ABLIM2: variants seen among roughly 807,000 people sequenced by gnomAD.
ABLIM2 encodes the protein actin-binding LIM protein 2.
ABLIM2 carries 53 observed loss-of-function variants against 97.7 expected under a neutral mutation model. That is an observed-to-expected ratio of 0.54 (90% confidence interval 0.44 to 0.68). The LOEUF (loss-of-function observed/expected upper bound fraction) is 0.68, where lower values mean the gene tolerates loss of function less well. Ranked by LOEUF, ABLIM2 falls within the 30% of genes least tolerant of loss-of-function variation. The pLI is 0.00. For synonymous variants in ABLIM2, 361 were observed against 345.8 expected (o/e 1.04, Z -0.49); for missense variants, 835 against 867.2 (o/e 0.96, Z 0.47).
At chr4:8,136,373 C>T (rs946032707) in intron 1 of ABLIM2, among the ~76,000 whole-genome samples, 56 of 152,262 alleles carry the variant, frequency 3.7e-4, no homozygotes, top group Middle Eastern at 3.4e-3. Context: ...TGCACAGCAC[C>T]GTGTAAGTGT....
intron 1 of ABLIM2, among the ~76,000 whole-genome samples, chr4:8,153,963 CTTTT>C (rs55681745): frequency 1.5e-5 from 2 of 131,870 alleles, no homozygotes; most frequent in Non-Finnish European, 3.1e-5. Flanking sequence ...AACTTCTTTT[CTTTT>C]TTTTTTTTTT....
chr4:7,979,203 A>C (rs766731894), intron 20 of ABLIM2, among the ~76,000 whole-genome samples: 4 of 152,140 alleles, frequency 2.6e-5, no homozygotes, highest in African/African-American at 4.8e-5. Context: ...ACAAGCTGCC[A>C]GCTCCCCCCG....
chr4:8,034,736 G>A (rs1471700753), intron 10 of ABLIM2, among the ~76,000 whole-genome samples: 4 of 88,344 alleles, frequency 4.5e-5, no homozygotes, highest in Non-Finnish European at 2.3e-5. Context: ...GGTGCAGGTG[G>A]GTGGGTAGTA....
rs192879707 is a variant in ABLIM2, at chr4:8,021,551, C to T, written c.1268-1248G>A. ...AGCCTTTCAGAGCAGCAGGACCCTG[C>T]GGTGACATCGAAATGAAACAGAAAT... On this transcript the variant is annotated intron_variant, in intron 12 of 20. Coordinates refer to ENST00000447017, the MANE Select transcript of ABLIM2 (RefSeq NM_001130083.2). This position sits in a 1 kb window ranked among gnomAD's most constrained non-coding sequence, Gnocchi z 5.5. 9.5e-4 allele frequency among the ~76,000 whole-genome samples: 144 copies of T among 152,302 alleles called. 1 individual carries two copies. Among genetic ancestry groups the T allele is most frequent in the Admixed American group, 9.2e-3 (141 of 15,294 alleles).
rs1160708476 is a variant in ABLIM2, at chr4:8,044,659, CACACACAG to C, written c.900+497_900+504del. On this transcript the variant is annotated intron_variant, in intron 9 of 20. Coordinates refer to ENST00000447017, the MANE Select transcript of ABLIM2 (RefSeq NM_001130083.2). The surrounding 1 kb of genome is among the most constrained non-coding windows in gnomAD (Gnocchi z 4.4). ...GCGCACAGACACACACACACACACA[CACACACAG>C]AGTCTCTCTCTCTCTCTCTCTCTCG... Among the ~76,000 whole-genome samples the C allele has an allele frequency of 4.5e-4, 54 of 120,398 alleles. 2 individuals carry two copies. In the South Asian group the frequency reaches 8.0e-3, roughly 18 times the overall value. 79.0% of individuals were successfully genotyped at this position (120,398 alleles called of 152,430 possible).
In ABLIM2 at chr4:8,124,423, T is replaced by C. The variant is rs1483542103; in HGVS notation, c.11-17786A>G. 1.3e-5 allele frequency among the ~76,000 whole-genome samples: 2 copies of C among 152,194 alleles called. No individual in the cohort carries two copies. Among genetic ancestry groups the C allele is most frequent in the African/African-American group, 2.4e-5 (1 of 41,450 alleles). The stretch of plus-strand genomic sequence containing the variant: ...TGCATCCTTTACTGTCACTCCCGTT[T>C]TCCCTCCGCAGCCCCTGGTAACAAC... On this transcript the variant is annotated intron_variant, in intron 1 of 20. Coordinates refer to ENST00000447017, the MANE Select transcript of ABLIM2 (RefSeq NM_001130083.2). The surrounding 1 kb of genome is among the most constrained non-coding windows in gnomAD (Gnocchi z 6.1).
chr4:8,031,441 C>T (rs1267541366), intron 10 of ABLIM2, among the ~76,000 whole-genome samples: 1 of 152,194 alleles, frequency 6.6e-6, no homozygotes, highest in Non-Finnish European at 1.5e-5. Flanking sequence ...CCTGGGACAT[C>T]AAAAGTCACC....
At chr4:8,114,853 G>A (rs1914463) in intron 1 of ABLIM2, among the ~76,000 whole-genome samples, 105,497 of 152,068 alleles carry the variant, frequency 0.69, 37,446 homozygotes, top group East Asian at 0.9. Flanking sequence ...CACACAGGAA[G>A]CTCATGGTGC....
chr4:8,045,830 C>T (rs965796104), intron 8 of ABLIM2, among the ~76,000 whole-genome samples: 2 of 152,098 alleles, frequency 1.3e-5, no homozygotes, highest in Admixed American at 6.5e-5. Flanking sequence ...TGCTCAGAGG[C>T]GTCATTTTCC....
At position 8,056,926 on chromosome 4, in the gene ABLIM2, C is replaced by T. The variant is rs554754817; in HGVS notation, c.764-2680G>A. Among the ~76,000 whole-genome samples the T allele has an allele frequency of 9.3e-3, 971 of 104,848 alleles. 16 individuals are homozygous for T. Among genetic ancestry groups the T allele is most frequent in the African/African-American group, 0.033 (901 of 27,380 alleles). 68.8% of individuals were successfully genotyped at this position (104,848 alleles called of 152,430 possible). On this transcript the variant is annotated intron_variant, in intron 7 of 20. Transcript: ENST00000447017. ...CACCCTGGGCGACAGAGCGAAACTC[C>T]GTCTCAAAAAAAAAAAAAAAAAAAA... is the stretch of plus-strand genomic sequence containing the variant.
chr4:7,976,706 C>T (rs957281811), intron 20 of ABLIM2, among the ~76,000 whole-genome samples: 1 of 152,046 alleles, frequency 6.6e-6, no homozygotes, highest in African/African-American at 2.4e-5. Context: ...CATGCACACA[C>T]ACGTATATCC....
At chr4:8,035,002 GGGTGGGT>G (rs1488624118) in intron 10 of ABLIM2, among the ~76,000 whole-genome samples, 2 of 116,876 alleles carry the variant, frequency 1.7e-5, no homozygotes, top group African/African-American at 6.6e-5. Flanking sequence ...AGGTCAGTGC[GGGTGGGT>G]GGTGGGTGGT....
intron 9 of ABLIM2, among the ~76,000 whole-genome samples, chr4:8,040,566 G>C (rs938593709): frequency 1.3e-5 from 2 of 151,338 alleles, no homozygotes; most frequent in Non-Finnish European, 2.9e-5. Flanking sequence ...AGCCAAGATC[G>C]TGCCACTGCA....
chr4:8,027,535 C>G (rs531779613), intron 12 of ABLIM2, among the ~76,000 whole-genome samples: 10 of 152,350 alleles, frequency 6.6e-5, no homozygotes, highest in African/African-American at 1.9e-4. Flanking sequence ...TCCAAGCCCT[C>G]TCTCCCTTCT....
chr4:7,979,386 C>T (rs1380525203), intron 20 of ABLIM2, among the ~76,000 whole-genome samples: 1 of 152,234 alleles, frequency 6.6e-6, no homozygotes, highest in Non-Finnish European at 1.5e-5. Context: ...CTCCCGCAGG[C>T]AAACACTCGC....
Position 8,085,359 on chromosome 4 carries a change from CT to C in ABLIM2, c.454+2809del, listed in dbSNP as rs1822749018. Among the ~76,000 whole-genome samples, 1 of 152,228 alleles carries C rather than the reference CT, an allele frequency of 6.6e-6. No individual in the cohort carries two copies. The highest frequency in any genetic ancestry group is 1.5e-5 in the Non-Finnish European group (1 of 68,040). On this transcript the variant is annotated intron_variant, in intron 4 of 20. Transcript: ENST00000447017. The surrounding 1 kb of genome is among the most constrained non-coding windows in gnomAD (Gnocchi z 6.1). ...ACAACCATCTATTGCTCCTCACGGCCTCCAGATGTACCGAGAACACCACGGC... is the reference window on the plus strand; with the variant it reads ...ACAACCATCTATTGCTCCTCACGGCCCCAGATGTACCGAGAACACCACGGC...
intron 2 of ABLIM2, among the ~76,000 whole-genome samples, chr4:8,100,544 C>T (rs764235110): frequency 1.3e-5 from 2 of 151,900 alleles, no homozygotes; most frequent in African/African-American, 4.8e-5. Flanking sequence ...GTCAGGAGTT[C>T]GAGACTAGCC....
At chr4:8,028,351 G>A (rs1476043637) in intron 11 of ABLIM2, among the ~76,000 whole-genome samples, 1 of 152,214 alleles carries the variant, frequency 6.6e-6, no homozygotes, top group Non-Finnish European at 1.5e-5. Context: ...GCTCAATAAA[G>A]TTGACTGCCC....
At position 7,980,941 on chromosome 4, in the gene ABLIM2, A is replaced by ATTTTTTTTTTATTTTTTT. The variant is rs1737702934; in HGVS notation, c.1824+2322_1824+2323insAAAAAAATAAAAAAAAAA. 2.4e-5 allele frequency among the ~76,000 whole-genome samples: 2 copies of ATTTTTTTTTTATTTTTTT among 82,988 alleles called. 1 individual carries two copies. Among genetic ancestry groups the ATTTTTTTTTTATTTTTTT allele is most frequent in the Non-Finnish European group, 4.2e-5 (2 of 48,034 alleles). The allele number at this position is 82,988 out of a possible 152,430, so 54.4% of individuals were successfully genotyped here. ...AGAACCATGGTCTCCACAACCCCTT[A>ATTTTTTTTTTATTTTTTT]TTTTTTTTTTTTTTTTTTTTGAGAT... On this transcript the variant is annotated intron_variant, in intron 20 of 20. Coordinates refer to ENST00000447017, the MANE Select transcript of ABLIM2 (RefSeq NM_001130083.2).
Sources: gnomAD v4.1 joint callset for allele counts (sites outside exome capture counted in the v4.1 genomes callset) on GRCh38, gnomAD v4.1.1 for gene constraint, Gnocchi (gnomAD v3.1) non-coding constraint, MANE v1.5 for transcripts, NCBI Gene and HGNC (gene_info 2026-07-23, HGNC 2026-07-21) for gene names.